The following PRKG2 variants were observed in gnomAD, a reference collection of about 807,000 sequenced individuals.
PRKG2 encodes the protein protein kinase cGMP-dependent 2.
In PRKG2, 33 loss-of-function variants were observed where a neutral mutation model predicts 97.2. That is an observed-to-expected ratio of 0.34 (90% confidence interval 0.26 to 0.45). PRKG2 has a LOEUF of 0.45. Among genes scored for constraint, PRKG2 ranks in the 20% least tolerant of loss-of-function variants. PRKG2 has a pLI of 1.00. For missense variants in PRKG2, 638 were observed against 900.0 expected, an observed-to-expected ratio of 0.71 and a Z score of 3.73; for synonymous variants, 330 against 321.8, an observed-to-expected ratio of 1.03 and a Z score of -0.27.
At chr4:81,186,192 C>T (rs1383608890) in intron 2 of PRKG2, among the ~76,000 whole-genome samples, 3 of 152,170 alleles carry the variant, frequency 2.0e-5, no homozygotes, top group Admixed American at 6.5e-5. Flanking sequence ...CCACACCACA[C>T]TTATTCTAAA....
Position 81,126,578 on chromosome 4 carries a change from G to A in PRKG2, c.1776+8577C>T, listed in dbSNP as rs112871453. Among the ~76,000 whole-genome samples the A allele has an allele frequency of 7.5e-3, 1,146 of 152,242 alleles. 20 individuals are homozygous for A. The highest frequency in any genetic ancestry group is 0.024 in the African/African-American group (1,002 of 41,550). Reference sequence around the variant, plus strand: ...CTTAATGATTGCCCTTCTAACTGGCGTGAGCTGGTATCTCATTGTGGTTTT... The same window carrying A: ...CTTAATGATTGCCCTTCTAACTGGCATGAGCTGGTATCTCATTGTGGTTTT... On this transcript the variant is annotated intron_variant, in intron 14 of 18. Transcript: ENST00000264399.
In PRKG2 at chr4:81,153,638, A is replaced by G. The variant is rs1459527853; in HGVS notation, c.990+6T>C. 6.4e-7 allele frequency: 1 copy of G among 1,564,150 alleles called. No homozygotes were observed. Among genetic ancestry groups the G allele is most frequent in the Non-Finnish European group, 8.8e-7 (1 of 1,135,370 alleles). On this transcript the variant is annotated splice_donor_region_variant and intron_variant, in intron 7 of 18. Coordinates refer to ENST00000264399, the MANE Select transcript of PRKG2 (RefSeq NM_006259.3). ...TTTTATTTAGTAAGTTTTAATTAATAGTTACCTTTCCTTTTGCCAAAATGA... is the reference window on the plus strand; with the variant it reads ...TTTTATTTAGTAAGTTTTAATTAATGGTTACCTTTCCTTTTGCCAAAATGA...
intron 2 of PRKG2, among the ~76,000 whole-genome samples, chr4:81,200,921 G>T (rs1753267566): frequency 6.6e-6 from 1 of 152,202 alleles, no homozygotes; most frequent in African/African-American, 2.4e-5. Context: ...AAAATGGTCA[G>T]TAGGCACAAA....
chr4:81,118,408 C>T (rs1169378411), intron 14 of PRKG2, among the ~76,000 whole-genome samples: 1 of 152,232 alleles, frequency 6.6e-6, no homozygotes, highest in Non-Finnish European at 1.5e-5. Flanking sequence ...ATGCAAGAAA[C>T]TTCCAAACTG....
chr4:81,144,697 T>C (rs1168272581), intron 9 of PRKG2, among the ~76,000 whole-genome samples: 6 of 151,276 alleles, frequency 4.0e-5, no homozygotes, highest in African/African-American at 9.7e-5. Flanking sequence ...CATGCTGGTG[T>C]GCTGCACCCA....
chr4:81,108,169 C>T (rs1407657650), intron 15 of PRKG2, among the ~76,000 whole-genome samples: 3 of 152,100 alleles, frequency 2.0e-5, no homozygotes, highest in Admixed American at 6.5e-5. Flanking sequence ...TGCCTCACTG[C>T]ACTCCAGCCT....
At chr4:81,216,891 TTGTGTGTGTGTGTGTG>T (rs68179456), upstream of PRKG2, among the ~76,000 whole-genome samples, 5 of 131,496 alleles carry the variant, frequency 3.8e-5, no homozygotes, top group South Asian at 5.4e-4. Flanking sequence ...TAGTATTCCA[TTGTGTGTGTGTGTGTG>T]TGTGTGTGTG....
chr4:81,187,625 C>T (rs988940310), intron 2 of PRKG2, among the ~76,000 whole-genome samples: 1 of 151,256 alleles, frequency 6.6e-6, no homozygotes, highest in Admixed American at 6.6e-5. Context: ...GGCAATCAGG[C>T]AAGAGAAAAA....
intron 14 of PRKG2, among the ~76,000 whole-genome samples, chr4:81,132,416 C>A (rs1746267797): frequency 6.6e-6 from 1 of 152,126 alleles, no homozygotes; most frequent in African/African-American, 2.4e-5. Flanking sequence ...ACCTCTATTA[C>A]AATGTTAAAT....
rs185882848 is a variant in PRKG2 at position 81,126,701 on chromosome 4, T to C, written c.1776+8454A>G. Among the ~76,000 whole-genome samples the C allele has an allele frequency of 3.9e-5, 6 of 152,330 alleles. No homozygotes were observed. In the East Asian group the frequency reaches 1.2e-3, roughly 29 times the overall value. On this transcript the variant is annotated intron_variant, in intron 14 of 18. Coordinates refer to ENST00000264399, the MANE Select transcript of PRKG2 (RefSeq NM_006259.3). ...TTTTGAGAAGCGTCTGTTCCTCTCC[T>C]TTGCCCACTTTTTGATGGTTTTTTT... is the stretch of plus-strand genomic sequence containing the variant.
intron 2 of PRKG2, among the ~76,000 whole-genome samples, chr4:81,194,504 T>A (rs189890216): frequency 6.6e-6 from 1 of 152,304 alleles, no homozygotes; most frequent in East Asian, 1.9e-4. Flanking sequence ...AGCATGACTT[T>A]CTTCTCTCAA....
rs1014441431 is a variant in PRKG2 at position 81,137,434 on chromosome 4, C to T, written c.1593G>A (p.Glu531=). The change falls in exon 13 of 19, where the codon GAG becomes GAA. Residue 531 remains glutamate (E), a synonymous_variant. Transcript: ENST00000264399. ...KDNKYVYMLL[E]ACLGGELWSI... is the part of the protein sequence containing the mutation. The stretch of plus-strand genomic sequence containing the variant: ...TCCAGAGCTCCCCACCTAAGCAGGC[C>T]TCCAGAAGCATGTATACATACTTAT... 6.2e-7 allele frequency: 1 copy of T among 1,612,958 alleles called. No homozygotes were observed. Among genetic ancestry groups the T allele is most frequent in the Non-Finnish European group, 8.5e-7 (1 of 1,179,022 alleles).
intron 6 of PRKG2, among the ~76,000 whole-genome samples, chr4:81,157,993 G>A (rs896041551): frequency 3.3e-5 from 5 of 149,302 alleles, no homozygotes; most frequent in Non-Finnish European, 7.4e-5. Flanking sequence ...GGCAAAAACT[G>A]GAAGCATTCC....
intron 2 of PRKG2, among the ~76,000 whole-genome samples, chr4:81,188,695 A>G (rs1358227366): frequency 4.1e-5 from 5 of 123,362 alleles, no homozygotes; most frequent in Non-Finnish European, 6.1e-5. Context: ...ATGCAGCCAT[A>G]AAAAATGATG....
At chr4:81,117,817 C>T (rs55923509) in intron 14 of PRKG2, among the ~76,000 whole-genome samples, 35,945 of 152,040 alleles carry the variant, frequency 0.24, 5,674 homozygotes, top group East Asian at 0.46. Context: ...TTGTTACAAT[C>T]AAGGAACCTA....
intron 6 of PRKG2, 131 bp from the exon 7 acceptor site, chr4:81,153,852 G>C (rs879296531): frequency 1.4e-5 from 9 of 647,504 alleles, no homozygotes; most frequent in Admixed American, 2.5e-5. Context: ...TCCATCTGAG[G>C]TACCGGGTTC....
At position 81,177,042 on chromosome 4, in the gene PRKG2, A is replaced by T. The variant is rs150599849; in HGVS notation, c.462-2083T>A. On this transcript the variant is annotated intron_variant, in intron 2 of 18. Transcript: ENST00000264399. ...CCTATATCTTTGCCTTAAGAGATGG[A>T]ACATGTTTTCTTTTGTGACTTAACT... Among the ~76,000 whole-genome samples, 1,166 of 152,224 alleles carry T rather than the reference A, an allele frequency of 7.7e-3. 20 individuals carry two copies. Among genetic ancestry groups the T allele is most frequent in the African/African-American group, 0.027 (1,106 of 41,528 alleles).
chr4:81,183,912 G>T (rs1295645831), intron 2 of PRKG2, among the ~76,000 whole-genome samples: 4 of 152,194 alleles, frequency 2.6e-5, no homozygotes, highest in Admixed American at 2.6e-4. Context: ...CCACAGCTCT[G>T]CAAAGATGCT....
Position 81,087,581 on chromosome 4 carries a change from C to A in PRKG2, c.*2127G>T, listed in dbSNP as rs1208634163. The A allele has an allele frequency of 6.6e-6, 1 of 152,132 alleles. No individual in the cohort carries two copies. The highest frequency in any genetic ancestry group is 1.5e-5 in the Non-Finnish European group (1 of 67,992). 9.4% of individuals were successfully genotyped at this position (152,132 alleles called of 1,614,324 possible). On this transcript the variant is annotated 3_prime_UTR_variant, in exon 19 of 19. Coordinates refer to ENST00000264399, the MANE Select transcript of PRKG2 (RefSeq NM_006259.3). Reference sequence around the variant, plus strand: ...TATTTCACAGATACCGGGCAAAAGACTCTCTACATAACTTAATCCCTGAAA... The same window carrying A: ...TATTTCACAGATACCGGGCAAAAGAATCTCTACATAACTTAATCCCTGAAA...
Sources: allele counts gnomAD v4.1 joint callset (sites outside exome capture counted in the v4.1 genomes callset), GRCh38; gene constraint gnomAD v4.1.1; transcripts MANE v1.5; gene names NCBI Gene and HGNC (gene_info 2026-07-23, HGNC 2026-07-21).